Variants in THSD7A observed in about 807,000 individuals in gnomAD.
THSD7A encodes thrombospondin type-1 domain-containing protein 7A.
In THSD7A, 96 loss-of-function variants were observed where a neutral mutation model predicts 231.3. That is an observed-to-expected ratio of 0.41 (90% CI 0.35 to 0.49). THSD7A has a LOEUF of 0.49. Among genes scored for constraint, THSD7A ranks in the 20% least tolerant of loss-of-function variants. THSD7A has a pLI of 0.05. For missense variants in THSD7A, 2,290 were observed against 2,070.2 expected (o/e 1.11, Z -2.06); for synonymous variants, 940 against 743.3 (o/e 1.26, Z -4.30).
chr7:11,448,222 T>C (rs190974839), intron 11 of THSD7A, among the ~76,000 whole-genome samples: 1 of 152,306 alleles, frequency 6.6e-6, no homozygotes, highest in East Asian at 1.9e-4. Context: ...TATGATATTG[T>C]TCTGCTGACT....
At chr7:11,484,869 C>T (rs1473504704) in intron 6 of THSD7A, among the ~76,000 whole-genome samples, 2 of 68,598 alleles carry the variant, frequency 2.9e-5, no homozygotes, top group East Asian at 9.3e-4. Context: ...TGAATCACAA[C>T]CTTAATTTTT....
At chr7:11,830,827 C>T (rs955434653) in intron 1 of THSD7A, among the ~76,000 whole-genome samples, 8 of 152,178 alleles carry the variant, frequency 5.3e-5, no homozygotes, top group African/African-American at 1.7e-4. Flanking sequence ...TCAACTACAA[C>T]ATTCTCTTAA....
chr7:11,677,203 A>G (rs185428849), intron 1 of THSD7A, among the ~76,000 whole-genome samples: 96 of 152,296 alleles, frequency 6.3e-4, no homozygotes, highest in African/African-American at 2.1e-3. Flanking sequence ...AATCTATTAC[A>G]GACAAGAAAA....
At chr7:11,525,879 G>T (rs1372013434) in intron 6 of THSD7A, among the ~76,000 whole-genome samples, 1 of 152,138 alleles carries the variant, frequency 6.6e-6, no homozygotes, top group Non-Finnish European at 1.5e-5. Flanking sequence ...CATTCTAAAT[G>T]TAACGTGTGA....
At chr7:11,429,190 T>C (rs1018085943) in intron 13 of THSD7A, 65 bp from the exon 14 acceptor site, 5 of 1,460,294 alleles carry the variant, frequency 3.4e-6, no homozygotes, top group Admixed American at 2.5e-5. Context: ...TACCACCCAC[T>C]ATTCTAGGTC....
chr7:11,389,909 A>G (rs1249439155), intron 23 of THSD7A, among the ~76,000 whole-genome samples: 1 of 152,136 alleles, frequency 6.6e-6, no homozygotes, highest in African/African-American at 2.4e-5. Flanking sequence ...TGGCTTGAAA[A>G]TTCTTTTCTT....
chr7:11,660,846 C>G (rs77881528), intron 1 of THSD7A, among the ~76,000 whole-genome samples: 15,164 of 151,362 alleles, frequency 0.1, 984 homozygotes, highest in Non-Finnish European at 0.15. Flanking sequence ...CCAAACGTCC[C>G]AAGGAGAACA....
chr7:11,715,767 A>G (rs1046660194), intron 1 of THSD7A, among the ~76,000 whole-genome samples: 1 of 151,474 alleles, frequency 6.6e-6, no homozygotes, highest in Admixed American at 6.6e-5. Context: ...AAAAACCACA[A>G]GGGTCTATTT....
chr7:11,683,116 A>G (rs920854346), intron 1 of THSD7A, among the ~76,000 whole-genome samples: 32 of 139,266 alleles, frequency 2.3e-4, no homozygotes, highest in African/African-American at 9.1e-4. Flanking sequence ...GTGAGACTCC[A>G]TCTCAAAAAA....
rs570713648 is a variant in THSD7A at position 11,515,649 on chromosome 7, T to C, written c.1822+25770A>G. ...TAAAGCTACAGAGATCTTTTATATA[T>C]ATATTTTTAGAGATAAATAAACCAA... On this transcript the variant is annotated intron_variant, in intron 6 of 27. Coordinates refer to ENST00000423059, the MANE Select transcript of THSD7A (RefSeq NM_015204.3). Among the ~76,000 whole-genome samples the C allele has an allele frequency of 1.3e-4, 20 of 152,272 alleles. 1 individual carries two copies. In the South Asian group the frequency reaches 3.9e-3, roughly 30 times the overall value.
At chr7:11,703,170 G>C (rs1028310641) in intron 1 of THSD7A, among the ~76,000 whole-genome samples, 2 of 151,182 alleles carry the variant, frequency 1.3e-5, no homozygotes, top group Non-Finnish European at 3.0e-5. Context: ...GTGTGTTGTT[G>C]CACACAACCA....
At chr7:11,648,870 T>A (rs995139018) in intron 1 of THSD7A, among the ~76,000 whole-genome samples, 1 of 152,004 alleles carries the variant, frequency 6.6e-6, no homozygotes, top group South Asian at 2.1e-4. Context: ...CTGAGCAGCT[T>A]GCTTCAACCA....
Position 11,704,665 on chromosome 7 carries a change from C to T in THSD7A, c.191-67704G>A, listed in dbSNP as rs145461690. Among the ~76,000 whole-genome samples, 7 of 151,036 alleles carry T rather than the reference C, an allele frequency of 4.6e-5. No homozygotes were observed. In the East Asian group the frequency reaches 5.9e-4, roughly 13 times the overall value. The stretch of plus-strand genomic sequence containing the variant: ...TCATCTTATTCACTAGAGTGAAGTT[C>T]GTAACCTGAGGCTAACCTGGGGTCC... On this transcript the variant is annotated intron_variant, in intron 1 of 27. Coordinates refer to ENST00000423059, the MANE Select transcript of THSD7A (RefSeq NM_015204.3).
chr7:11,563,795 T>G (rs1019202910), intron 4 of THSD7A, among the ~76,000 whole-genome samples: 5 of 152,216 alleles, frequency 3.3e-5, no homozygotes, highest in Non-Finnish European at 7.3e-5. Context: ...AATCAACTAC[T>G]CTGTGCAGTT....
At chr7:11,705,361 A>C (rs1248664487) in intron 1 of THSD7A, among the ~76,000 whole-genome samples, 1 of 151,074 alleles carries the variant, frequency 6.6e-6, no homozygotes, top group Non-Finnish European at 1.5e-5. Context: ...AAATTGCAAT[A>C]ATTTGATGTA....
At chr7:11,585,125 C>A (rs555882499) in intron 4 of THSD7A, among the ~76,000 whole-genome samples, 7 of 152,290 alleles carry the variant, frequency 4.6e-5, no homozygotes, top group South Asian at 2.1e-4. Context: ...TGGTTGAATA[C>A]TTCCTGAAGT....
chr7:11,534,132 T>G (rs1156774976), intron 6 of THSD7A, among the ~76,000 whole-genome samples: 1 of 152,186 alleles, frequency 6.6e-6, no homozygotes, highest in Non-Finnish European at 1.5e-5. Context: ...TATAATTGCA[T>G]GAGAATTTTT....
rs758995188 is a variant in THSD7A at position 11,636,566 on chromosome 7, T to A, written c.586A>T (p.Ile196Phe). 1.2e-6 allele frequency: 2 copies of A among 1,613,846 alleles called. No homozygotes were observed. Among genetic ancestry groups the A allele is most frequent in the African/African-American group, 2.7e-5 (2 of 74,908 alleles). The change falls in exon 2 of 28, where the codon ATC becomes TTC. Residue 196 changes from isoleucine to phenylalanine, a missense_variant. Transcript: ENST00000423059. This position sits in a 1 kb window ranked among gnomAD's most constrained non-coding sequence, Gnocchi z 10.0. The stretch of plus-strand genomic sequence containing the variant: ...GACCAGGCAGAAAATTCAGACACGA[T>A]GCAATCTTGCTGGCAAGGAATGAGG... ...ACLIPCQQDC[I>F]VSEFSAWSEC...
chr7:11,535,030 C>A (rs1583923762), intron 6 of THSD7A, among the ~76,000 whole-genome samples: 1 of 152,142 alleles, frequency 6.6e-6, no homozygotes, highest in East Asian at 1.9e-4. Context: ...AAGGTACCCA[C>A]CACCTATGAC....
Sources: gnomAD v4.1 joint callset for allele counts (sites outside exome capture counted in the v4.1 genomes callset) on GRCh38, gnomAD v4.1.1 for gene constraint, Gnocchi (gnomAD v3.1) non-coding constraint, MANE v1.5 for transcripts, NCBI Gene and HGNC (gene_info 2026-07-23, HGNC 2026-07-21) for gene names.